The following PRORP variants were observed in gnomAD, a reference collection of about 807,000 sequenced individuals.
PRORP encodes mitochondrial ribonuclease P catalytic subunit.
PRORP carries 51 observed loss-of-function variants against 59.4 expected under a neutral mutation model. That is an observed-to-expected ratio of 0.86 (90% confidence interval 0.69 to 1.08). PRORP has a LOEUF of 1.08. Among genes scored for constraint, PRORP ranks in the 50% least tolerant of loss-of-function variants. The probability of loss-of-function intolerance (pLI) is 0.00; values close to 1 mark genes in which losing one functional copy is unlikely to be tolerated. For synonymous variants in PRORP, 231 were observed against 245.6 expected (o/e 0.94, Z 0.55); for missense variants, 646 against 690.3 (o/e 0.94, Z 0.72).
intron 5 of PRORP, among the ~76,000 whole-genome samples, chr14:35,217,301 G>C (rs2049626799): frequency 3.3e-5 from 5 of 152,020 alleles, no homozygotes; most frequent in Admixed American, 3.3e-4. Context: ...AGGAGTTCTA[G>C]ACCAGCCTTG....
chr14:35,261,999 T>C (rs1024238401), intron 5 of PRORP, among the ~76,000 whole-genome samples: 6 of 152,138 alleles, frequency 3.9e-5, no homozygotes, highest in African/African-American at 1.4e-4. Flanking sequence ...GCTTTTCTGC[T>C]CTTCTTTGGG....
intron 4 of PRORP, among the ~76,000 whole-genome samples, chr14:35,175,412 C>G (rs1485351345): frequency 6.6e-6 from 1 of 151,838 alleles, no homozygotes; most frequent in Non-Finnish European, 1.5e-5. Flanking sequence ...CTGTTGTTTC[C>G]TGACTTTTTA....
intron 4 of PRORP, among the ~76,000 whole-genome samples, chr14:35,166,462 T>C (rs2048187379): frequency 6.7e-6 from 1 of 149,870 alleles, no homozygotes; most frequent in Non-Finnish European, 1.5e-5. Context: ...TTTTTTTTTT[T>C]TTTTTTGAGA....
At chr14:35,171,964 T>A (rs1369966626) in intron 4 of PRORP, among the ~76,000 whole-genome samples, 1 of 152,178 alleles carries the variant, frequency 6.6e-6, no homozygotes, top group African/African-American at 2.4e-5. Context: ...TTTTTGGTTC[T>A]GTAATGTTCA....
At chr14:35,186,149 A>AC (rs71435865) in intron 5 of PRORP, among the ~76,000 whole-genome samples, 2 of 131,440 alleles carry the variant, frequency 1.5e-5, no homozygotes, top group African/African-American at 2.9e-5. Context: ...AGTCCAGCTA[A>AC]TTTTTTTTTT....
intron 7 of PRORP, 85 bp from the exon 8 acceptor site, chr14:35,273,350 A>C: frequency 7.4e-7 from 1 of 1,353,974 alleles, no homozygotes; most frequent in Non-Finnish European, 9.9e-7. Context: ...CTTCTGGAGC[A>C]AACTTGAGAA....
intron 5 of PRORP, among the ~76,000 whole-genome samples, chr14:35,211,787 C>G (rs2049454263): frequency 6.6e-6 from 1 of 152,070 alleles, no homozygotes; most frequent in South Asian, 2.1e-4. Flanking sequence ...GTGGTTGTTG[C>G]TGACAGTTGG....
chr14:35,234,491 A>G (rs780873200), intron 5 of PRORP, among the ~76,000 whole-genome samples: 2 of 152,158 alleles, frequency 1.3e-5, no homozygotes, highest in Non-Finnish European at 2.9e-5. Flanking sequence ...AATGTCATTT[A>G]TATGATGCAG....
intron 4 of PRORP, among the ~76,000 whole-genome samples, 177 bp downstream of exon 4, chr14:35,127,788 A>T (rs1286460133): frequency 1.3e-5 from 2 of 152,204 alleles, no homozygotes; most frequent in Non-Finnish European, 2.9e-5. Context: ...AAATGAATAG[A>T]CATGGCTGTG....
intron 5 of PRORP, among the ~76,000 whole-genome samples, chr14:35,215,854 C>T (rs1293836671): frequency 1.3e-5 from 2 of 151,676 alleles, no homozygotes; most frequent in African/African-American, 2.4e-5. Context: ...ACAGCCTCCA[C>T]CTCCTGGGTT....
chr14:35,158,826 A>G (rs756485217), intron 4 of PRORP: 2 of 314,200 alleles, frequency 6.4e-6, no homozygotes, highest in Non-Finnish European at 6.3e-6. Context: ...TCTTTTTAGT[A>G]ATAATTCTAT....
intron 5 of PRORP, among the ~76,000 whole-genome samples, chr14:35,194,275 A>G (rs1255932668): frequency 2.0e-5 from 3 of 152,226 alleles, no homozygotes; most frequent in Non-Finnish European, 4.4e-5. Context: ...GTGTACAAGA[A>G]TGCAACCCAA....
At chr14:35,199,938 T>C (rs1307100469) in intron 5 of PRORP, among the ~76,000 whole-genome samples, 1 of 152,182 alleles carries the variant, frequency 6.6e-6, no homozygotes, top group African/African-American at 2.4e-5. Flanking sequence ...GCCTCTGTTA[T>C]ATCAGGAAAA....
Position 35,218,296 on chromosome 14 carries a change from C to CA in PRORP, c.1275+37526dup, listed in dbSNP as rs1001980357. On this transcript the variant is annotated intron_variant, in intron 5 of 7. Transcript: ENST00000534898. Reference sequence around the variant, plus strand: ...GCAACATAGTAAGACCCTGTCTCTACAAAAAAATTAAAAAATTGGCTGGGT... The same window carrying CA: ...GCAACATAGTAAGACCCTGTCTCTACAAAAAAAATTAAAAAATTGGCTGGGT... Among the ~76,000 whole-genome samples the CA allele has an allele frequency of 1.7e-4, 25 of 150,690 alleles. No homozygotes were observed. In the South Asian group the frequency reaches 2.1e-3, roughly 13 times the overall value.
chr14:35,241,053 A>G (rs1326567431), intron 5 of PRORP, among the ~76,000 whole-genome samples: 1 of 152,172 alleles, frequency 6.6e-6, no homozygotes, highest in Non-Finnish European at 1.5e-5. Flanking sequence ...TATATTAACT[A>G]TTATAAGTAA....
intron 5 of PRORP, among the ~76,000 whole-genome samples, chr14:35,186,228 C>G (rs571547725): frequency 1.6e-4 from 24 of 151,034 alleles, no homozygotes; most frequent in Non-Finnish European, 2.9e-4. Flanking sequence ...CTTAAGTTGC[C>G]TGCTGTGGCC....
At chr14:35,150,010 A>G (rs1022067822) in intron 4 of PRORP, among the ~76,000 whole-genome samples, 1 of 152,094 alleles carries the variant, frequency 6.6e-6, no homozygotes, top group African/African-American at 2.4e-5. Context: ...ATGTGTCACC[A>G]CACCGGCTAA....
chr14:35,165,943 G>T (rs2048173577), intron 4 of PRORP, among the ~76,000 whole-genome samples: 1 of 152,028 alleles, frequency 6.6e-6, no homozygotes, highest in Non-Finnish European at 1.5e-5. Flanking sequence ...GCCTCCCAAA[G>T]TGCTGGGATT....
intron 5 of PRORP, among the ~76,000 whole-genome samples, chr14:35,191,802 G>A (rs888661552): frequency 3.3e-5 from 5 of 152,018 alleles, no homozygotes; most frequent in Admixed American, 6.6e-5. Flanking sequence ...AAAAACCAAG[G>A]ATTCCAGCCA....
Sources: gnomAD v4.1 joint callset for allele counts (sites outside exome capture counted in the v4.1 genomes callset) on GRCh38, gnomAD v4.1.1 for gene constraint, MANE v1.5 for transcripts, NCBI Gene and HGNC (gene_info 2026-07-23, HGNC 2026-07-21) for gene names.